The following SLC8A1 variants were observed in gnomAD, a reference collection of about 807,000 sequenced individuals.
SLC8A1 encodes the protein sodium/calcium exchanger 1.
In SLC8A1, 18 loss-of-function variants were observed where a neutral mutation model predicts 68.3. The observed-to-expected ratio is 0.26, with a 90% CI of 0.18 to 0.39. The LOEUF (loss-of-function observed/expected upper bound fraction) is 0.39. Among genes scored for constraint, SLC8A1 ranks in the 10% least tolerant of loss-of-function variants. SLC8A1 has a pLI of 1.00. For synonymous variants in SLC8A1, 475 were observed against 415.5 expected (o/e 1.14, Z -1.74); for missense variants, 985 against 1,156.7 (o/e 0.85, Z 2.15).
At chr2:40,415,106 G>T (rs577347570) in intron 2 of SLC8A1, among the ~76,000 whole-genome samples, 10 of 152,134 alleles carry the variant, frequency 6.6e-5, no homozygotes, top group African/African-American at 2.4e-4. Flanking sequence ...AGCCTATAAG[G>T]CACAGTATAG....
intron 2 of SLC8A1, among the ~76,000 whole-genome samples, chr2:40,232,759 C>A (rs1258616547): frequency 8.6e-6 from 1 of 115,834 alleles, no homozygotes; most frequent in African/African-American, 3.2e-5. Flanking sequence ...CCCCGCCACC[C>A]CACAACAGTC....
At chr2:40,466,453 A>G (rs1214058419) in intron 1 of SLC8A1, among the ~76,000 whole-genome samples, 1 of 152,208 alleles carries the variant, frequency 6.6e-6, no homozygotes, top group African/African-American at 2.4e-5. Context: ...TTTACATCCA[A>G]TAAGATGGTC....
intron 5 of SLC8A1, among the ~76,000 whole-genome samples, chr2:40,163,942 G>A (rs1300103273): frequency 6.6e-6 from 1 of 152,146 alleles, no homozygotes; most frequent in Non-Finnish European, 1.5e-5. Context: ...CTAAATTGGT[G>A]GTCTGATTCT....
exon 6 of SLC8A1, chr2:40,160,789 T>C (rs1287283180): frequency 1.2e-6 from 2 of 1,613,320 alleles, no homozygotes; most frequent in East Asian, 4.5e-5. Flanking sequence ...ATAGCTTCAA[T>C]GAACTGTTCT....
intron 2 of SLC8A1, among the ~76,000 whole-genome samples, chr2:40,302,976 C>G (rs1171344926): frequency 6.6e-6 from 1 of 152,080 alleles, no homozygotes; most frequent in Non-Finnish European, 1.5e-5. Context: ...CAAGCAAGCC[C>G]TGGGAGCCCA....
At chr2:40,486,371 GTA>G in intron 1 of SLC8A1, among the ~76,000 whole-genome samples, 1 of 152,318 alleles carries the variant, frequency 6.6e-6, no homozygotes, top group Non-Finnish European at 1.5e-5. Flanking sequence ...GTGAAAGAGA[GTA>G]CTGATATCCT....
At chr2:40,312,421 C>G (rs2073847176) in intron 2 of SLC8A1, among the ~76,000 whole-genome samples, 1 of 151,920 alleles carries the variant, frequency 6.6e-6, no homozygotes, top group Non-Finnish European at 1.5e-5. Context: ...AACAGTGGTC[C>G]AGGAAACTTC....
chr2:40,264,428 T>C (rs2065095567), intron 2 of SLC8A1, among the ~76,000 whole-genome samples: 1 of 152,010 alleles, frequency 6.6e-6, no homozygotes, highest in South Asian at 2.1e-4. Flanking sequence ...CTATTCACAA[T>C]AGCAAAGACT....
At chr2:40,368,336 C>G (rs1324031460) in intron 2 of SLC8A1, among the ~76,000 whole-genome samples, 1 of 151,870 alleles carries the variant, frequency 6.6e-6, no homozygotes, top group Non-Finnish European at 1.5e-5. Context: ...AATTTTTAAA[C>G]AAAGTTATTT....
intron 2 of SLC8A1, among the ~76,000 whole-genome samples, chr2:40,218,727 G>A (rs1174505921): frequency 5.4e-5 from 8 of 148,306 alleles, no homozygotes; most frequent in Non-Finnish European, 8.9e-5. Flanking sequence ...TCTTCTGGGG[G>A]AAAAAAAAAA....
At chr2:40,465,379 G>A (rs1703606694) in intron 1 of SLC8A1, among the ~76,000 whole-genome samples, 1 of 152,058 alleles carries the variant, frequency 6.6e-6, no homozygotes, top group Non-Finnish European at 1.5e-5. Context: ...TAACTACTGT[G>A]TATATTGAAG....
intron 2 of SLC8A1, among the ~76,000 whole-genome samples, chr2:40,340,169 T>G (rs1667237611): frequency 6.6e-6 from 1 of 152,228 alleles, no homozygotes. Flanking sequence ...TGGTGGTTTG[T>G]GATTCTGATC....
intron 2 of SLC8A1, among the ~76,000 whole-genome samples, chr2:40,278,266 A>G (rs991811910): frequency 4.6e-5 from 7 of 151,906 alleles, no homozygotes; most frequent in African/African-American, 1.7e-4. Context: ...GTCAAGAGAT[A>G]GAGACCATCC....
chr2:40,148,383 A>G (rs543327096), intron 6 of SLC8A1, among the ~76,000 whole-genome samples: 23 of 152,340 alleles, frequency 1.5e-4, no homozygotes, highest in Middle Eastern at 6.8e-3. Context: ...AGCAATGACA[A>G]TAACACTCTC....
At chr2:40,209,198 T>C (rs1190528017) in intron 2 of SLC8A1, 2 of 152,014 alleles carry the variant, frequency 1.3e-5, no homozygotes, top group African/African-American at 2.4e-5. Flanking sequence ...GCAGTTGAAA[T>C]CTGAAATAGG....
intron 2 of SLC8A1, among the ~76,000 whole-genome samples, chr2:40,247,685 C>T (rs1028214881): frequency 2.6e-5 from 4 of 152,116 alleles, no homozygotes; most frequent in Non-Finnish European, 5.9e-5. Flanking sequence ...TTAACAGTAA[C>T]TGCTTACGTA....
At chr2:40,177,850 A>G in exon 3 of SLC8A1, 1 of 1,547,574 alleles carries the variant, frequency 6.5e-7, no homozygotes, top group Non-Finnish European at 8.7e-7. Flanking sequence ...AATGGTAATG[A>G]TCTTCCTGTG....
intron 1 of SLC8A1, among the ~76,000 whole-genome samples, chr2:40,435,918 G>A (rs1394598023): frequency 6.6e-6 from 1 of 151,636 alleles, no homozygotes; most frequent in Non-Finnish European, 1.5e-5. Context: ...TGGGATTATA[G>A]GTGCCTGCCA....
chr2:40,322,187 G>A (rs34718894), intron 2 of SLC8A1, among the ~76,000 whole-genome samples: 30,745 of 152,010 alleles, frequency 0.2, 3,337 homozygotes, highest in East Asian at 0.36. Context: ...GTTTTGCATA[G>A]TAAGAAACGA....
Sources: allele counts gnomAD v4.1 joint callset (sites outside exome capture counted in the v4.1 genomes callset), GRCh38; gene constraint gnomAD v4.1.1; transcripts MANE v1.5; gene names NCBI Gene and HGNC (gene_info 2026-07-23, HGNC 2026-07-21).